The following BTNL9 variants were observed in gnomAD, a reference collection of about 807,000 sequenced individuals.
BTNL9 encodes the protein butyrophilin-like protein 9.
Under a neutral mutation model 45.8 loss-of-function variants are expected in BTNL9, and 45 were observed. That is an observed-to-expected ratio of 0.98 (90% CI 0.77 to 1.26). BTNL9 has a LOEUF of 1.26. Ranked by LOEUF, BTNL9 falls within the 50% of genes most tolerant of loss-of-function variation. The pLI, the probability that BTNL9 is intolerant of heterozygous loss-of-function variation, is 0.00. For synonymous variants in BTNL9, 346 were observed against 330.8 expected (o/e 1.05, Z -0.50); for missense variants, 784 against 729.7 (o/e 1.07, Z -0.86).
chr5:181,042,486 G>A lies in BTNL9; in HGVS notation c.-24+2054G>A, dbSNP rs1760826880. Reference sequence around the variant, plus strand: ...CTTCAAGTAAGGATTGAGCACCCTGGATCCTTAACTGAAGAGTGAGGTCAG... The same window carrying A: ...CTTCAAGTAAGGATTGAGCACCCTGAATCCTTAACTGAAGAGTGAGGTCAG... On this transcript the variant is annotated intron_variant, in intron 1 of 10. Transcript: ENST00000327705. This position sits in a 1 kb window ranked among gnomAD's most constrained non-coding sequence, Gnocchi z 4.5. Among the ~76,000 whole-genome samples the A allele has an allele frequency of 6.6e-6, 1 of 152,186 alleles. No homozygotes were observed. Among genetic ancestry groups the A allele is most frequent in the South Asian group, 2.1e-4 (1 of 4,826 alleles).
In BTNL9 at chr5:181,053,679, A is replaced by C. The variant is rs919347607; in HGVS notation, c.886+178A>C. 1 of 1,520,160 alleles carries C rather than the reference A, an allele frequency of 6.6e-7. No homozygotes were observed. The highest frequency in any genetic ancestry group is 8.8e-7 in the Non-Finnish European group (1 of 1,130,836). 94.2% of individuals were successfully genotyped at this position (1,520,160 alleles called of 1,614,324 possible). On this transcript the variant is annotated intron_variant, in intron 6 of 10. Coordinates refer to ENST00000327705, the MANE Select transcript of BTNL9 (RefSeq NM_152547.5). This position sits in a 1 kb window ranked among gnomAD's most constrained non-coding sequence, Gnocchi z 6.5. Reference sequence around the variant, plus strand: ...GGGGAAGATCGTTCATATGGACAAAAGCGGAGGTGCGGAACGGCTGCATTT... The same window carrying C: ...GGGGAAGATCGTTCATATGGACAAACGCGGAGGTGCGGAACGGCTGCATTT...
intron 9 of BTNL9, 141 bp from the exon 10 acceptor site, chr5:181,058,211 C>G: frequency 1.0e-6 from 1 of 1,001,268 alleles, no homozygotes; most frequent in Non-Finnish European, 1.6e-6. Flanking sequence ...CAAGACCAGT[C>G]TGGATTCAAA....
chr5:181,053,534 G>A lies in BTNL9; in HGVS notation c.886+33G>A. ...GGGACAGGGCGTTCTGCACGCACCT[G>A]CCCAAGTGCCAAAACCCGCCGTCAT... is the stretch of plus-strand genomic sequence containing the variant. On this transcript the variant is annotated intron_variant, in intron 6 of 10. Transcript: ENST00000327705. This position sits in a 1 kb window ranked among gnomAD's most constrained non-coding sequence, Gnocchi z 6.5. 1 of 1,560,700 alleles carries A rather than the reference G, an allele frequency of 6.4e-7. No individual in the cohort carries two copies.
In BTNL9 at chr5:181,060,087, A is replaced by G. The variant is rs1762092941; in HGVS notation, c.*225A>G. The stretch of plus-strand genomic sequence containing the variant: ...GTTTGTGGATTGTGGGACTGAGCGA[A>G]GGAGTACAAATATATCCACGTCGCT... On this transcript the variant is annotated 3_prime_UTR_variant, in exon 11 of 11. Transcript: ENST00000327705. 1 of 549,246 alleles carries G rather than the reference A, an allele frequency of 1.8e-6. No individual in the cohort carries two copies. The highest frequency in any genetic ancestry group is 3.2e-6 in the Non-Finnish European group (1 of 313,492). 34.0% of individuals were successfully genotyped at this position (549,246 alleles called of 1,614,324 possible).
At chr5:181,040,626 AG>A (rs1760728638) in intron 1 of BTNL9, among the ~76,000 whole-genome samples, 194 bp downstream of exon 1, 2 of 152,222 alleles carry the variant, frequency 1.3e-5, no homozygotes, top group South Asian at 4.1e-4. Context: ...GCCGCATCTC[AG>A]GAGGCAGGAT....
At position 181,061,238 on chromosome 5, in the gene BTNL9, G is replaced by A. The variant is rs1333690483; in HGVS notation, c.*1376G>A. 6.6e-6 allele frequency: 1 copy of A among 152,206 alleles called. No homozygotes were observed. The highest frequency in any genetic ancestry group is 2.4e-5 in the African/African-American group (1 of 41,450). 9.4% of individuals were successfully genotyped at this position (152,206 alleles called of 1,614,324 possible). A position where few individuals can be genotyped will look rare whatever the true frequency, so the allele number is the denominator to read the frequency against. ...TATAAAACATATGAATATAAAGAAA[G>A]AAAGAGACAAGTCAAATGTAGTAAA... On this transcript the variant is annotated 3_prime_UTR_variant, in exon 11 of 11. Coordinates refer to ENST00000327705, the MANE Select transcript of BTNL9 (RefSeq NM_152547.5).
Position 181,059,893 on chromosome 5 carries a change from G to GC in BTNL9, c.*31_*32insC. The GC allele has an allele frequency of 6.7e-7, 1 of 1,494,860 alleles. No homozygotes were observed. The highest frequency in any genetic ancestry group is 8.9e-7 in the Non-Finnish European group (1 of 1,122,924). 92.6% of individuals were successfully genotyped at this position (1,494,860 alleles called of 1,614,324 possible). A position where few individuals can be genotyped will look rare whatever the true frequency, so the allele number is the denominator to read the frequency against. ...CCTCGTGGCCGCGGGACTGGCCCCG[G>GC]GGGGCCCCCTGGATCCCAGGCCAGC... On this transcript the variant is annotated 3_prime_UTR_variant, in exon 11 of 11. Transcript: ENST00000327705.
chr5:181,058,287 G>C (rs373742889), intron 9 of BTNL9, 65 bp from the exon 10 acceptor site: 1 of 1,584,220 alleles, frequency 6.3e-7, no homozygotes, highest in Non-Finnish European at 8.7e-7. Context: ...TGGAGACTTC[G>C]TTAAGGTTCC....
rs747607665 is a variant in BTNL9, at chr5:181,059,615, A to G, written c.1361A>G (p.Asp454Gly). The G allele has an allele frequency of 1.2e-6, 2 of 1,613,450 alleles. No individual in the cohort carries two copies. Among genetic ancestry groups the G allele is most frequent in the Non-Finnish European group, 1.7e-6 (2 of 1,179,924 alleles). ...VPPRRLGVFLDYEAGELSFFN... is the reference protein window; with the variant it reads ...VPPRRLGVFLGYEAGELSFFN... ...CCGCGGCGCCTGGGCGTCTTCCTGG[A>G]CTACGAGGCCGGAGAGCTGTCCTTC... Residue 454 changes from aspartate to glycine, a missense_variant, in exon 11 of 11, where the codon GAC becomes GGC. Asp to Gly is a moderately conservative substitution (Grantham distance 94). Coordinates refer to ENST00000327705, the MANE Select transcript of BTNL9 (RefSeq NM_152547.5).
chr5:181,052,064 A>G (rs1761571231), intron 4 of BTNL9, among the ~76,000 whole-genome samples: 1 of 152,016 alleles, frequency 6.6e-6, no homozygotes, highest in Non-Finnish European at 1.5e-5. Context: ...GTCCGCCCTG[A>G]GCCCTTGCCC....
intron 3 of BTNL9, 58 bp downstream of exon 3, chr5:181,048,329 G>A (rs906020651): frequency 6.2e-6 from 9 of 1,444,606 alleles, no homozygotes; most frequent in African/African-American, 1.4e-5. Flanking sequence ...GCTTTGCCAA[G>A]TAGAGGTGGA....
At position 181,055,648 on chromosome 5, in the gene BTNL9, A is replaced by G. The variant is rs763850651; in HGVS notation, c.928+195A>G. 5.6e-6 allele frequency: 4 copies of G among 708,752 alleles called. No homozygotes were observed. The highest frequency in any genetic ancestry group is 9.7e-6 in the Non-Finnish European group (4 of 412,580). 43.9% of individuals were successfully genotyped at this position (708,752 alleles called of 1,614,324 possible). ...GCCCGGCGTGGCGGCATGTGCCTGT[A>G]GTCCCAGCTACATGGGAGGCTGAGG... On this transcript the variant is annotated intron_variant, in intron 8 of 10. Coordinates refer to ENST00000327705, the MANE Select transcript of BTNL9 (RefSeq NM_152547.5). This position sits in a 1 kb window ranked among gnomAD's most constrained non-coding sequence, Gnocchi z 4.4.
chr5:181,053,707 C>T lies in BTNL9; in HGVS notation c.886+206C>T. The T allele has an allele frequency of 6.6e-7, 1 of 1,509,664 alleles. No homozygotes were observed. The highest frequency in any genetic ancestry group is 1.3e-5 in the South Asian group (1 of 76,716). The allele number at this position is 1,509,664 out of a possible 1,614,324, so 93.5% of individuals were successfully genotyped here. ...GGAGGTGCGGAACGGCTGCATTTTC[C>T]ACGGAGGCTAGTGCACAGATGTCAG... is the stretch of plus-strand genomic sequence containing the variant. On this transcript the variant is annotated intron_variant, in intron 6 of 10. Coordinates refer to ENST00000327705, the MANE Select transcript of BTNL9 (RefSeq NM_152547.5). The surrounding 1 kb of genome is among the most constrained non-coding windows in gnomAD (Gnocchi z 6.5).
chr5:181,051,177 A>G (rs1761521075), intron 4 of BTNL9, among the ~76,000 whole-genome samples: 1 of 152,020 alleles, frequency 6.6e-6, no homozygotes, highest in South Asian at 2.1e-4. Flanking sequence ...CACAGATTAC[A>G]AAAGGCACGT....
At chr5:181,048,593 C>T (rs1761318273) in intron 3 of BTNL9, among the ~76,000 whole-genome samples, 1 of 151,170 alleles carries the variant, frequency 6.6e-6, no homozygotes, top group Non-Finnish European at 1.5e-5. Flanking sequence ...CATCTCTTAG[C>T]CAGGTGTGGT....
rs200387419 is a variant in BTNL9 at position 181,045,591 on chromosome 5, G to A, written c.102G>A (p.Pro34=). The A allele has an allele frequency of 1.7e-5, 28 of 1,610,624 alleles. No homozygotes were observed. Among genetic ancestry groups the A allele is most frequent in the East Asian group, 2.2e-5 (1 of 44,854 alleles). The change falls in exon 2 of 11, where the codon CCG becomes CCA. Residue 34 remains proline, a synonymous_variant. Coordinates refer to ENST00000327705, the MANE Select transcript of BTNL9 (RefSeq NM_152547.5). ...TCCTCCTCCTTCAGCCTGGGGAGCCGAGCTCAGGTATTGTGTCTGCAGCCT... is the reference window on the plus strand; with the variant it reads ...TCCTCCTCCTTCAGCCTGGGGAGCCAAGCTCAGGTATTGTGTCTGCAGCCT... ...MHLLLLQPGE[P]SSEVKVLGPE...
Position 181,055,047 on chromosome 5 carries a change from AC to A in BTNL9, c.908-383del. 1 of 985,396 alleles carries A rather than the reference AC, an allele frequency of 1.0e-6. No individual in the cohort carries two copies. Among genetic ancestry groups the A allele is most frequent in the Non-Finnish European group, 1.2e-6 (1 of 829,914 alleles). 61.0% of individuals were successfully genotyped at this position (985,396 alleles called of 1,614,324 possible). A position where few individuals can be genotyped will look rare whatever the true frequency, so the allele number is the denominator to read the frequency against. Reference sequence around the variant, plus strand: ...GTCCTTCCAGTCCTTCAGATAACGCACCCGGTGAGTGACCGTGAGGCTCACG... The same window carrying A: ...GTCCTTCCAGTCCTTCAGATAACGCACCGGTGAGTGACCGTGAGGCTCACG... On this transcript the variant is annotated intron_variant, in intron 7 of 10. Transcript: ENST00000327705. This position sits in a 1 kb window ranked among gnomAD's most constrained non-coding sequence, Gnocchi z 4.4.
In BTNL9 at chr5:181,053,280, G is replaced by A. The variant is rs760377842; in HGVS notation, c.817G>A (p.Ala273Thr). 7.6e-6 allele frequency: 12 copies of A among 1,583,534 alleles called. No homozygotes were observed. In the African/African-American group the frequency reaches 1.3e-4, roughly 17 times the overall value. The change falls in exon 5 of 11, where the codon GCG (alanine) becomes ACG (threonine). Residue 273 changes from alanine to threonine, a missense_variant. Transcript: ENST00000327705. This position sits in a 1 kb window ranked among gnomAD's most constrained non-coding sequence, Gnocchi z 6.5. ...GCTGCTGTTGGTCCTCGCGGCGCTG[G>A]CGCTGGGCGTCCTCCGGAAGCAGCG... is the stretch of plus-strand genomic sequence containing the variant. ...LPLLLVLAALALGVLRKQRRS... is the reference protein window; with the variant it reads ...LPLLLVLAALTLGVLRKQRRS...
In BTNL9 at chr5:181,059,849, T is replaced by A; in HGVS notation, c.1595T>A (p.Leu532Gln). ...CCCTATGAGCCCGCGGACCCCGCCC[T>A]GGACTGGTGGTGAGGCGCCCTCGTG... is the stretch of plus-strand genomic sequence containing the variant. ...LQPYEPADPA[L>Q]DWW is the part of the protein sequence containing the mutation. The change falls in exon 11 of 11, where the codon CTG becomes CAG. Residue 532 changes from leucine to glutamine, a missense_variant. Transcript: ENST00000327705. 1.9e-6 allele frequency: 3 copies of A among 1,571,032 alleles called. No individual in the cohort carries two copies. The highest frequency in any genetic ancestry group is 2.6e-6 in the Non-Finnish European group (3 of 1,163,692).
Sources: allele counts gnomAD v4.1 joint callset (sites outside exome capture counted in the v4.1 genomes callset), GRCh38; gene constraint gnomAD v4.1.1; non-coding constraint Gnocchi (gnomAD v3.1); transcripts MANE v1.5; gene names NCBI Gene and HGNC (gene_info 2026-07-23, HGNC 2026-07-21).